Variants in CALB1 observed in about 807,000 individuals in gnomAD.
The protein encoded by CALB1 is calbindin.
In CALB1, 16 loss-of-function variants were observed where a neutral mutation model predicts 46.7. The ratio of observed to expected loss-of-function variants is 0.34; its 90% confidence interval spans 0.23 to 0.52. The LOEUF is 0.52. Ranked by LOEUF, CALB1 falls within the 20% of genes least tolerant of loss-of-function variation. The probability of loss-of-function intolerance (pLI) is 0.95; values close to 1 mark genes in which losing one functional copy is unlikely to be tolerated. For missense variants in CALB1, 224 were observed against 300.3 expected, an observed-to-expected ratio of 0.75 and a Z score of 1.88; for synonymous variants, 90 against 112.8, an observed-to-expected ratio of 0.80 and a Z score of 1.28.
intron 9 of CALB1, 152 bp downstream of exon 9, chr8:90,062,948 A>G: frequency 1.8e-6 from 1 of 559,626 alleles, no homozygotes; most frequent in South Asian, 2.4e-5. Context: ...ATAAAGTCTC[A>G]ATTATATAAG....
At chr8:90,070,662 A>C (rs958296412) in intron 3 of CALB1, among the ~76,000 whole-genome samples, 6 of 152,184 alleles carry the variant, frequency 3.9e-5, no homozygotes, top group Non-Finnish European at 8.8e-5. Context: ...ACCTTATGTC[A>C]ACATGTTTAA....
chr8:90,061,428 G>A (rs1266965325), intron 9 of CALB1: 3 of 152,148 alleles, frequency 2.0e-5, no homozygotes, highest in Non-Finnish European at 4.4e-5. Flanking sequence ...AAATTGGAAA[G>A]AGAGAAGTTA....
intron 3 of CALB1, among the ~76,000 whole-genome samples, chr8:90,076,766 C>A (rs1306761285): frequency 6.6e-6 from 1 of 151,924 alleles, no homozygotes; most frequent in Non-Finnish European, 1.5e-5. Context: ...ACCTCTCATT[C>A]AAAATAGCGC....
chr8:90,064,160 T>C (rs1814348663), intron 6 of CALB1: 2 of 151,760 alleles, frequency 1.3e-5, no homozygotes, highest in African/African-American at 4.8e-5. Context: ...ATGTGAAAAA[T>C]TAACATTATT....
intron 6 of CALB1, chr8:90,064,594 T>A (rs1785017566): frequency 6.6e-6 from 1 of 151,826 alleles, no homozygotes; most frequent in Non-Finnish European, 1.5e-5. Flanking sequence ...AAAGGAGCCT[T>A]TCTTTAAATA....
At chr8:90,078,591 T>G in intron 2 of CALB1, 144 bp from the exon 3 acceptor site, 1 of 563,182 alleles carries the variant, frequency 1.8e-6, no homozygotes, top group South Asian at 2.2e-5. Context: ...TCAAAAAAAT[T>G]AAAGGCATAA....
chr8:90,060,075 A>G lies in CALB1; in HGVS notation c.*98T>C. ...TGGATAATTATCTATATGCAGTTAA[A>G]TTTACAGATATAAAAGAAAATACAG... On this transcript the variant is annotated 3_prime_UTR_variant, in exon 11 of 11. Transcript: ENST00000265431. 1 of 743,046 alleles carries G rather than the reference A, an allele frequency of 1.3e-6. No individual in the cohort carries two copies. The highest frequency in any genetic ancestry group is 2.4e-6 in the Non-Finnish European group (1 of 412,592). The allele number at this position is 743,046 out of a possible 1,614,324, so 46.0% of individuals were successfully genotyped here. A position where few individuals can be genotyped will look rare whatever the true frequency, so the allele number is the denominator to read the frequency against.
intron 3 of CALB1, among the ~76,000 whole-genome samples, chr8:90,073,324 A>G (rs1205112578): frequency 6.6e-6 from 1 of 152,084 alleles, no homozygotes; most frequent in Non-Finnish European, 1.5e-5. Context: ...GTGAGGCCCC[A>G]TTGAAGGAAT....
intron 5 of CALB1, among the ~76,000 whole-genome samples, chr8:90,067,925 G>C (rs937260512): frequency 3.3e-5 from 5 of 152,054 alleles, no homozygotes; most frequent in African/African-American, 1.2e-4. Flanking sequence ...CATATTTTCT[G>C]TGAGGATTAA....
chr8:90,070,335 C>T (rs1471134996), intron 3 of CALB1, among the ~76,000 whole-genome samples: 1 of 152,198 alleles, frequency 6.6e-6, no homozygotes, highest in Non-Finnish European at 1.5e-5. Flanking sequence ...GACGGACCCT[C>T]ATCCGTGGAT....
chr8:90,060,585 A>G (rs1814277360), intron 10 of CALB1, 44 bp downstream of exon 10: 2 of 1,486,888 alleles, frequency 1.3e-6, no homozygotes, highest in Non-Finnish European at 9.4e-7. Context: ...GGATGGATCC[A>G]CAGAGTCTGC....
chr8:90,080,802 G>A (rs1296888736), intron 2 of CALB1, among the ~76,000 whole-genome samples: 4 of 151,940 alleles, frequency 2.6e-5, no homozygotes, highest in Non-Finnish European at 5.9e-5. Flanking sequence ...TTTTGAATAT[G>A]CTGTACAGAA....
rs1586175712 is a variant in CALB1 at position 90,058,880 on chromosome 8, C to A, written c.*1293G>T. ...ACGATCATTAACTCCTAGGCAGTAA[C>A]TGTAAATTTCACATGGACACATCTC... On this transcript the variant is annotated 3_prime_UTR_variant, in exon 11 of 11. Transcript: ENST00000265431. 6.6e-6 allele frequency: 1 copy of A among 152,158 alleles called. No individual in the cohort carries two copies. Among genetic ancestry groups the A allele is most frequent in the African/African-American group, 2.4e-5 (1 of 41,446 alleles). The allele number at this position is 152,158 out of a possible 1,614,324, so 9.4% of individuals were successfully genotyped here.
chr8:90,071,203 A>G (rs1814509128), intron 3 of CALB1, among the ~76,000 whole-genome samples: 1 of 152,178 alleles, frequency 6.6e-6, no homozygotes, highest in Non-Finnish European at 1.5e-5. Flanking sequence ...GGTGATTTTT[A>G]CACGTGACAA....
At chr8:90,064,201 G>A (rs1814349357) in intron 6 of CALB1, 1 of 151,792 alleles carries the variant, frequency 6.6e-6, no homozygotes, top group African/African-American at 2.4e-5. Flanking sequence ...TGTGTCCAGT[G>A]TTATAATGGA....
intron 9 of CALB1, chr8:90,061,336 G>A (rs1421624987): frequency 6.6e-6 from 1 of 151,494 alleles, no homozygotes; most frequent in Non-Finnish European, 1.5e-5. Flanking sequence ...AAAAGAAGGA[G>A]TTATTTGTGT....
intron 3 of CALB1, among the ~76,000 whole-genome samples, chr8:90,071,326 T>C (rs749017514): frequency 6.6e-6 from 1 of 152,148 alleles, no homozygotes; most frequent in Non-Finnish European, 1.5e-5. Flanking sequence ...TAGTGGAAAG[T>C]AGCTATAAAT....
intron 5 of CALB1, among the ~76,000 whole-genome samples, chr8:90,066,501 G>T (rs1337694178): frequency 6.6e-6 from 1 of 151,950 alleles, no homozygotes; most frequent in Non-Finnish European, 1.5e-5. Context: ...TCTCCAGAGG[G>T]CCAGTTGGGT....
At chr8:90,063,216 G>T in intron 8 of CALB1, 63 bp from the exon 9 acceptor site, 1 of 1,530,304 alleles carries the variant, frequency 6.5e-7, no homozygotes, top group Non-Finnish European at 9.0e-7. Context: ...TGTTTCCCTT[G>T]ACAAGTCTCC....
Sources: gnomAD v4.1 joint callset for allele counts (sites outside exome capture counted in the v4.1 genomes callset) on GRCh38, gnomAD v4.1.1 for gene constraint, MANE v1.5 for transcripts, NCBI Gene and HGNC (gene_info 2026-07-23, HGNC 2026-07-21) for gene names.